The following AUH variants were observed in gnomAD, a reference collection of about 807,000 sequenced individuals.
The protein encoded by AUH is AU RNA binding methylglutaconyl-CoA hydratase, also known as methylglutaconyl-CoA hydratase, mitochondrial.
A neutral mutation model predicts 42.3 loss-of-function variants in AUH; 29 were observed. That is an observed-to-expected ratio of 0.69 (90% CI 0.51 to 0.93). The LOEUF is 0.93. Among genes scored for constraint, AUH ranks in the 40% least tolerant of loss-of-function variants. AUH has a pLI of 0.00. For synonymous variants in AUH, 174 were observed against 166.4 expected (o/e 1.05, Z -0.35); for missense variants, 452 against 438.1 (o/e 1.03, Z -0.28).
At chr9:91,228,882 C>G (rs1564013066) in intron 6 of AUH, among the ~76,000 whole-genome samples, 1 of 152,178 alleles carries the variant, frequency 6.6e-6, no homozygotes, top group African/African-American at 2.4e-5. Context: ...GATTCTTAAT[C>G]CTGAGTTCTA....
At chr9:91,313,571 G>A (rs906756785) in intron 4 of AUH, among the ~76,000 whole-genome samples, 8 of 151,712 alleles carry the variant, frequency 5.3e-5, no homozygotes, top group African/African-American at 1.7e-4. Flanking sequence ...CGGGCGCGGT[G>A]GCGGGCGCCT....
chr9:91,264,097 A>G (rs1829842610), intron 6 of AUH, among the ~76,000 whole-genome samples: 1 of 152,170 alleles, frequency 6.6e-6, no homozygotes, highest in African/African-American at 2.4e-5. Flanking sequence ...ATCAGTAATC[A>G]GTATCTGCAA....
chr9:91,280,906 A>T (rs1447074368), intron 6 of AUH, among the ~76,000 whole-genome samples: 1 of 152,018 alleles, frequency 6.6e-6, no homozygotes, highest in Non-Finnish European at 1.5e-5. Flanking sequence ...CCTACAACAC[A>T]CTTTCTCCAT....
At chr9:91,316,148 A>G (rs909403786) in intron 4 of AUH, among the ~76,000 whole-genome samples, 4 of 152,214 alleles carry the variant, frequency 2.6e-5, no homozygotes, top group African/African-American at 9.6e-5. Context: ...CCTAGGACAC[A>G]TGTGCAAAAT....
At chr9:91,226,078 G>C (rs1478602123) in intron 6 of AUH, among the ~76,000 whole-genome samples, 3 of 147,786 alleles carry the variant, frequency 2.0e-5, no homozygotes, top group Admixed American at 6.8e-5. Flanking sequence ...TAATGGGATG[G>C]CTGGGTCAAA....
chr9:91,355,831 T>C (rs1206161151), intron 3 of AUH, 52 bp downstream of exon 3: 1 of 1,496,002 alleles, frequency 6.7e-7, no homozygotes, highest in African/African-American at 1.4e-5. Flanking sequence ...AGATTACTAT[T>C]GAGGAAAAAT....
intron 6 of AUH, among the ~76,000 whole-genome samples, chr9:91,240,665 G>T (rs1828461348): frequency 6.6e-6 from 1 of 151,834 alleles, no homozygotes; most frequent in East Asian, 1.9e-4. Context: ...TTAATTTTTA[G>T]TTCATTCTGA....
intron 4 of AUH, among the ~76,000 whole-genome samples, chr9:91,308,791 CTTT>C (rs201772761): frequency 8.1e-5 from 11 of 136,368 alleles, no homozygotes; most frequent in Admixed American, 7.4e-5. Context: ...TTAAGCAATT[CTTT>C]TTTTTTTTTT....
At chr9:91,331,030 AT>A (rs924364099) in intron 3 of AUH, among the ~76,000 whole-genome samples, 2 of 151,926 alleles carry the variant, frequency 1.3e-5, no homozygotes, top group African/African-American at 2.4e-5. Flanking sequence ...TTCAGTTAAA[AT>A]TTTTTTTAAG....
At chr9:91,260,245 T>C (rs920796124) in intron 6 of AUH, among the ~76,000 whole-genome samples, 2 of 152,140 alleles carry the variant, frequency 1.3e-5, no homozygotes, top group African/African-American at 4.8e-5. Context: ...GTGTGTCTTT[T>C]ATAAACAGCA....
intron 6 of AUH, among the ~76,000 whole-genome samples, chr9:91,232,915 C>T (rs138837681): frequency 6.6e-6 from 1 of 152,290 alleles, no homozygotes; most frequent in East Asian, 1.9e-4. Context: ...TTTACATAAC[C>T]AAGTAAGTAA....
chr9:91,355,968 T>C lies in AUH; in HGVS notation c.333A>G (p.Leu111=). 2.5e-6 allele frequency: 4 copies of C among 1,612,496 alleles called. No homozygotes were observed. Among genetic ancestry groups the C allele is most frequent in the Non-Finnish European group, 3.4e-6 (4 of 1,179,206 alleles). Reference sequence around the variant, plus strand: ...ATTTCAAAGCATCCACAGCTTTTGATAGCTAAACAGAAATAGGAAGCATAG... The same window carrying C: ...ATTTCAAAGCATCCACAGCTTTTGACAGCTAAACAGAAATAGGAAGCATAG... The part of the protein sequence containing the change: ...NSLSKNLIKM[L]SKAVDALKSD... Residue 111 remains leucine, a splice_region_variant and synonymous_variant, in exon 3 of 10, where the codon CTA becomes CTG. Transcript: ENST00000375731.
At chr9:91,230,825 A>C (rs558072239) in intron 6 of AUH, among the ~76,000 whole-genome samples, 195 of 152,308 alleles carry the variant, frequency 1.3e-3, no homozygotes, top group African/African-American at 4.4e-3. Flanking sequence ...GTGAGGTATC[A>C]GTGTGCCCCT....
chr9:91,220,506 G>C (rs1261724866), intron 7 of AUH, among the ~76,000 whole-genome samples: 2 of 152,174 alleles, frequency 1.3e-5, no homozygotes, highest in Non-Finnish European at 2.9e-5. Flanking sequence ...TGCTCAGCTG[G>C]TGAGCAAATT....
intron 4 of AUH, among the ~76,000 whole-genome samples, chr9:91,324,282 C>T (rs61330200): frequency 0.025 from 3,842 of 151,972 alleles, 75 homozygotes; most frequent in East Asian, 0.067. Flanking sequence ...GGAGGAGGAT[C>T]GCTTGAGGCA....
At chr9:91,254,601 T>A (rs917723912) in intron 6 of AUH, among the ~76,000 whole-genome samples, 1 of 152,134 alleles carries the variant, frequency 6.6e-6, no homozygotes, top group African/African-American at 2.4e-5. Flanking sequence ...AGTGTGATAG[T>A]AGAAACAAAA....
intron 6 of AUH, among the ~76,000 whole-genome samples, chr9:91,273,492 G>T (rs1377355012): frequency 6.6e-6 from 1 of 152,140 alleles, no homozygotes; most frequent in Non-Finnish European, 1.5e-5. Context: ...CTATTAATTA[G>T]CACTGTAAGT....
At chr9:91,279,307 A>C (rs558581903) in intron 6 of AUH, among the ~76,000 whole-genome samples, 1 of 152,324 alleles carries the variant, frequency 6.6e-6, no homozygotes, top group East Asian at 1.9e-4. Context: ...TATTGTACAA[A>C]AGAAACTGAG....
intron 6 of AUH, among the ~76,000 whole-genome samples, chr9:91,256,682 G>C (rs1226898768): frequency 6.6e-6 from 1 of 151,926 alleles, no homozygotes; most frequent in South Asian, 2.1e-4. Flanking sequence ...GTGCTCAAGC[G>C]GCAGACTTAC....
Sources: gnomAD v4.1 joint callset for allele counts (sites outside exome capture counted in the v4.1 genomes callset) on GRCh38, gnomAD v4.1.1 for gene constraint, MANE v1.5 for transcripts, NCBI Gene and HGNC (gene_info 2026-07-23, HGNC 2026-07-21) for gene names.